The following LYRM7 variants were observed in gnomAD, a reference collection of about 807,000 sequenced individuals.
LYRM7 encodes the protein LYR motif containing 7, also known as complex III assembly factor LYRM7.
A neutral mutation model predicts 15.8 loss-of-function variants in LYRM7; 9 were observed. That is an observed-to-expected ratio of 0.57 (90% CI 0.34 to 0.99). The LOEUF (loss-of-function observed/expected upper bound fraction) is 0.99, where lower values mean the gene tolerates loss of function less well. Among genes scored for constraint, LYRM7 ranks in the 50% least tolerant of loss-of-function variants. The pLI is 0.02. For missense variants in LYRM7, 115 were observed against 119.1 expected, an observed-to-expected ratio of 0.97 and a Z score of 0.16; for synonymous variants, 39 against 39.4, an observed-to-expected ratio of 0.99 and a Z score of 0.04.
chr5:131,185,327 A>G (rs1487513272), intron 3 of LYRM7, among the ~76,000 whole-genome samples: 1 of 152,050 alleles, frequency 6.6e-6, no homozygotes, highest in Non-Finnish European at 1.5e-5. Flanking sequence ...TCATTCTTCC[A>G]ATCTCAGCCC....
intron 4 of LYRM7, among the ~76,000 whole-genome samples, chr5:131,198,955 A>G (rs1019443268): frequency 1.3e-5 from 2 of 152,000 alleles, no homozygotes; most frequent in Non-Finnish European, 2.9e-5. Flanking sequence ...TTGTTTTATG[A>G]TATTTCTCAA....
At chr5:131,188,720 C>A (rs1459707037) in intron 4 of LYRM7, among the ~76,000 whole-genome samples, 1 of 152,140 alleles carries the variant, frequency 6.6e-6, no homozygotes, top group Non-Finnish European at 1.5e-5. Context: ...GTAATGTTAT[C>A]TTTCTGTGAG....
In LYRM7 at chr5:131,185,931, C is replaced by A. The variant is rs566725009; in HGVS notation, c.163-1097C>A. On this transcript the variant is annotated intron_variant, in intron 3 of 4. Coordinates refer to ENST00000379380, the MANE Select transcript of LYRM7 (RefSeq NM_181705.4). Reference sequence around the variant, plus strand: ...GTCAGCAAATACTGTCAGTTGTTTTCTTTGAAGTGACACACTCTACTTTTC... The same window carrying A: ...GTCAGCAAATACTGTCAGTTGTTTTATTTGAAGTGACACACTCTACTTTTC... 5.3e-4 allele frequency among the ~76,000 whole-genome samples: 80 copies of A among 152,268 alleles called. 1 individual carries two copies. Among genetic ancestry groups the A allele is most frequent in the African/African-American group, 1.8e-3 (76 of 41,548 alleles).
rs1316856627 is a variant in LYRM7, at chr5:131,201,103, C to G, written c.*1502C>G. 2 of 151,228 alleles carry G rather than the reference C, an allele frequency of 1.3e-5. No individual in the cohort carries two copies. Among genetic ancestry groups the G allele is most frequent in the African/African-American group, 4.9e-5 (2 of 41,154 alleles). 9.4% of individuals were successfully genotyped at this position (151,228 alleles called of 1,614,324 possible). ...GGCTGAGGCGGGCAGATCACAAGGT[C>G]AGGAGTTCGAGACCAGCCTGGCCAA... On this transcript the variant is annotated 3_prime_UTR_variant, in exon 5 of 5. Transcript: ENST00000379380.
At chr5:131,173,794 C>A (rs1168994056) in intron 1 of LYRM7, among the ~76,000 whole-genome samples, 1 of 152,152 alleles carries the variant, frequency 6.6e-6, no homozygotes, top group Non-Finnish European at 1.5e-5. Flanking sequence ...TAAAAAAATA[C>A]TTTTTTGCTA....
intron 1 of LYRM7, among the ~76,000 whole-genome samples, chr5:131,175,773 T>G (rs367984522): frequency 2.6e-5 from 4 of 152,078 alleles, no homozygotes; most frequent in African/African-American, 9.7e-5. Flanking sequence ...TTGTTTTGTT[T>G]TGTTTGAGAT....
intron 4 of LYRM7, among the ~76,000 whole-genome samples, chr5:131,190,807 A>G (rs1032975271): frequency 1.3e-5 from 2 of 152,140 alleles, no homozygotes; most frequent in Non-Finnish European, 2.9e-5. Flanking sequence ...AGTTATGTTT[A>G]TAAGGGCAGA....
At chr5:131,178,961 CAAAAAAAAAA>C (rs58612746) in intron 1 of LYRM7, among the ~76,000 whole-genome samples, 5 of 62,944 alleles carry the variant, frequency 7.9e-5, no homozygotes, top group Admixed American at 1.8e-4. Context: ...GACTCCGTCT[CAAAAAAAAAA>C]AAAAAAAAAA....
chr5:131,172,390 G>C (rs750698800), intron 1 of LYRM7, among the ~76,000 whole-genome samples: 1 of 151,664 alleles, frequency 6.6e-6, no homozygotes, highest in Non-Finnish European at 1.5e-5. Context: ...TCTAGCCTGG[G>C]TGACAGAGCA....
chr5:131,193,813 C>T (rs1365475512), intron 4 of LYRM7, among the ~76,000 whole-genome samples: 1 of 152,056 alleles, frequency 6.6e-6, no homozygotes, highest in Non-Finnish European at 1.5e-5. Flanking sequence ...AGTTCAAGAC[C>T]AGCCTGATCA....
rs1756113035 is a variant in LYRM7 at position 131,203,560 on chromosome 5, G to T, written c.*3959G>T. On this transcript the variant is annotated 3_prime_UTR_variant, in exon 5 of 5. Coordinates refer to ENST00000379380, the MANE Select transcript of LYRM7 (RefSeq NM_181705.4). ...AATACAAAATTAGCCAGGCGTGGTG[G>T]TGCATGCCTGTAATCCCAGCTACTC... The T allele has an allele frequency of 6.6e-6, 1 of 152,278 alleles. No homozygotes were observed. 9.4% of individuals were successfully genotyped at this position (152,278 alleles called of 1,614,324 possible).
chr5:131,194,351 G>A (rs1332373459), intron 4 of LYRM7, among the ~76,000 whole-genome samples: 1 of 152,138 alleles, frequency 6.6e-6, no homozygotes, highest in Non-Finnish European at 1.5e-5. Flanking sequence ...TATCCAATAA[G>A]GTGAATTGGG....
At chr5:131,192,401 C>A (rs1755901303) in intron 4 of LYRM7, among the ~76,000 whole-genome samples, 1 of 151,988 alleles carries the variant, frequency 6.6e-6, no homozygotes, top group African/African-American at 2.4e-5. Context: ...TGTATGTTTT[C>A]AAATAGCTAG....
chr5:131,189,600 T>C (rs1755853967), intron 4 of LYRM7, among the ~76,000 whole-genome samples: 1 of 152,062 alleles, frequency 6.6e-6, no homozygotes, highest in African/African-American at 2.4e-5. Context: ...GCAACACTTA[T>C]TGAAAAGACC....
At chr5:131,174,046 G>A (rs1466005391) in intron 1 of LYRM7, among the ~76,000 whole-genome samples, 8 of 152,182 alleles carry the variant, frequency 5.3e-5, no homozygotes, top group African/African-American at 1.7e-4. Flanking sequence ...CCACAGTAGA[G>A]CATCTTTCAA....
intron 4 of LYRM7, among the ~76,000 whole-genome samples, chr5:131,194,648 G>A (rs1755935540): frequency 6.6e-6 from 1 of 152,190 alleles, no homozygotes; most frequent in African/African-American, 2.4e-5. Context: ...TTGGTATGGT[G>A]GCAAGAGCAG....
chr5:131,199,509 C>CT, intron 4 of LYRM7, 22 bp from the exon 5 acceptor site: 6 of 1,485,106 alleles, frequency 4.0e-6, no homozygotes, highest in Non-Finnish European at 5.5e-6. Context: ...GTTAATTATT[C>CT]TCTTTTTTTT....
In LYRM7 at chr5:131,204,899, G is replaced by GT. The variant is rs1169000783; in HGVS notation, c.*5299dup. 6.6e-6 allele frequency: 1 copy of GT among 152,200 alleles called. No homozygotes were observed. Among genetic ancestry groups the GT allele is most frequent in the Non-Finnish European group, 1.5e-5 (1 of 67,994 alleles). 9.4% of individuals were successfully genotyped at this position (152,200 alleles called of 1,614,324 possible). A position where few individuals can be genotyped will look rare whatever the true frequency, so the allele number is the denominator to read the frequency against. ...GAAAAGAGATTTAGGGAAGGAAGCAGTAAGTGAGAACTTTTATTCTATTTA... is the reference window on the plus strand; with the variant it reads ...GAAAAGAGATTTAGGGAAGGAAGCAGTTAAGTGAGAACTTTTATTCTATTTA... On this transcript the variant is annotated 3_prime_UTR_variant, in exon 5 of 5. Transcript: ENST00000379380.
chr5:131,180,189 T>C, intron 2 of LYRM7, 22 bp downstream of exon 2: 1 of 1,548,104 alleles, frequency 6.5e-7, no homozygotes, highest in South Asian at 1.1e-5. Flanking sequence ...CTTTACCCCT[T>C]TGGAGCCAGT....
Sources: gnomAD v4.1 joint callset for allele counts (sites outside exome capture counted in the v4.1 genomes callset) on GRCh38, gnomAD v4.1.1 for gene constraint, MANE v1.5 for transcripts, NCBI Gene and HGNC (gene_info 2026-07-23, HGNC 2026-07-21) for gene names.